The following SHISA6 variants were observed in gnomAD, a reference collection of about 807,000 sequenced individuals.
SHISA6 encodes the protein shisa family member 6, also known as protein shisa-6.
A neutral mutation model predicts 47.9 loss-of-function variants in SHISA6; 22 were observed. The ratio of observed to expected loss-of-function variants is 0.46; its 90% CI spans 0.33 to 0.66. The LOEUF (loss-of-function observed/expected upper bound fraction) is 0.66, where lower values mean the gene tolerates loss of function less well. SHISA6 is among the 30% of genes least tolerant of loss of function. SHISA6 has a pLI of 0.02. For synonymous variants in SHISA6, 388 were observed against 337.8 expected (o/e 1.15, Z -1.63); for missense variants, 680 against 764.6 (o/e 0.89, Z 1.30).
intron 3 of SHISA6, among the ~76,000 whole-genome samples, chr17:11,513,125 T>C (rs908710576): frequency 1.3e-5 from 2 of 151,920 alleles, no homozygotes; most frequent in Non-Finnish European, 2.9e-5. Context: ...TGTGCTATTT[T>C]CTTTATTTAT....
chr17:11,263,674 C>G (rs912602339), intron 2 of SHISA6, 148 bp downstream of exon 2: 1 of 1,017,920 alleles, frequency 9.8e-7, no homozygotes, highest in Non-Finnish European at 1.4e-6. Flanking sequence ...TTTTGGGACT[C>G]TCTCCCTGGG....
intron 3 of SHISA6, among the ~76,000 whole-genome samples, chr17:11,444,251 A>T (rs1357142988): frequency 2.0e-5 from 3 of 152,164 alleles, no homozygotes; most frequent in Admixed American, 1.3e-4. Context: ...CCCGGGAGGT[A>T]GAGGTTGCAA....
At chr17:11,281,594 C>T (rs1312812897) in intron 2 of SHISA6, among the ~76,000 whole-genome samples, 3 of 152,092 alleles carry the variant, frequency 2.0e-5, no homozygotes, top group Non-Finnish European at 4.4e-5. Context: ...GTTCATAAAG[C>T]ATATTGGTCC....
intron 3 of SHISA6, among the ~76,000 whole-genome samples, chr17:11,457,666 G>A (rs973914274): frequency 2.0e-5 from 3 of 151,630 alleles, no homozygotes; most frequent in Non-Finnish European, 2.9e-5. Flanking sequence ...GCTTGAACCC[G>A]GGTGGTGGAG....
intron 2 of SHISA6, among the ~76,000 whole-genome samples, chr17:11,317,165 G>T (rs1249968313): frequency 6.6e-6 from 1 of 151,616 alleles, no homozygotes; most frequent in Non-Finnish European, 1.5e-5. Flanking sequence ...TTACTATTTG[G>T]CTCTATATTT....
chr17:11,328,477 G>T (rs1910986974), intron 2 of SHISA6, among the ~76,000 whole-genome samples: 1 of 152,170 alleles, frequency 6.6e-6, no homozygotes, highest in East Asian at 1.9e-4. Flanking sequence ...CCAAAAATGG[G>T]AATGGGAATG....
intron 3 of SHISA6, among the ~76,000 whole-genome samples, chr17:11,465,186 T>C (rs1036870261): frequency 7.9e-5 from 12 of 152,190 alleles, no homozygotes; most frequent in Admixed American, 2.0e-4. Flanking sequence ...TGTCCTTTCC[T>C]GCTCCCCTCG....
At chr17:11,420,511 G>A (rs1200898612) in intron 3 of SHISA6, among the ~76,000 whole-genome samples, 1 of 152,184 alleles carries the variant, frequency 6.6e-6, no homozygotes, top group East Asian at 1.9e-4. Flanking sequence ...ACTAAGTTAA[G>A]CAGCAGAGGC....
chr17:11,297,625 A>G (rs4792121), intron 2 of SHISA6, among the ~76,000 whole-genome samples: 43,303 of 152,132 alleles, frequency 0.28, 6,593 homozygotes, highest in Non-Finnish European at 0.36. Flanking sequence ...CCACATGGTC[A>G]TGCTGAGCTA....
chr17:11,299,300 A>C (rs1203844602), intron 2 of SHISA6, among the ~76,000 whole-genome samples: 1 of 152,142 alleles, frequency 6.6e-6, no homozygotes, highest in Non-Finnish European at 1.5e-5. Context: ...AGTGATTTAC[A>C]TACATTATAT....
At chr17:11,400,023 T>A (rs948100035) in intron 3 of SHISA6, among the ~76,000 whole-genome samples, 4 of 152,228 alleles carry the variant, frequency 2.6e-5, no homozygotes, top group African/African-American at 9.6e-5. Context: ...CAGTTTCTTT[T>A]TTACTGTACC....
chr17:11,448,709 C>T lies in SHISA6; in HGVS notation c.895+69200C>T, dbSNP rs569981563. ...GGCGTGGTGGTGAGTGCCTGTAATC[C>T]CAGCCACTCAGGAGGCTGAGGCAGG... On this transcript the variant is annotated intron_variant, in intron 3 of 5. Coordinates refer to ENST00000441885, the MANE Select transcript of SHISA6 (RefSeq NM_207386.4). Among the ~76,000 whole-genome samples, 24 of 152,152 alleles carry T rather than the reference C, an allele frequency of 1.6e-4. 1 individual carries two copies. In the South Asian group the frequency reaches 5.0e-3, roughly 32 times the overall value.
chr17:11,425,006 CAA>C (rs34270452), intron 3 of SHISA6, among the ~76,000 whole-genome samples: 5,014 of 69,678 alleles, frequency 0.072, 45 homozygotes, highest in Non-Finnish European at 0.083. Flanking sequence ...TACTCCGTCT[CAA>C]AAAAAAAAAA....
intron 3 of SHISA6, among the ~76,000 whole-genome samples, chr17:11,423,322 TATATATAG>T (rs1914509134): frequency 2.6e-5 from 2 of 77,738 alleles, no homozygotes; most frequent in East Asian, 3.5e-4. Context: ...GCCTGTAACA[TATATATAG>T]ATAGATAGAT....
intron 2 of SHISA6, among the ~76,000 whole-genome samples, chr17:11,347,654 A>G (rs1366393285): frequency 1.3e-5 from 2 of 152,202 alleles, no homozygotes; most frequent in East Asian, 3.8e-4. Context: ...CAACCTCACT[A>G]TAAAGGAGAA....
chr17:11,414,530 A>G (rs75437226), intron 3 of SHISA6, among the ~76,000 whole-genome samples: 2,901 of 152,272 alleles, frequency 0.019, 92 homozygotes, highest in African/African-American at 0.065. Context: ...AACCTTGCAA[A>G]GTACACGTGA....
chr17:11,529,288 TC>T lies in SHISA6; in HGVS notation c.896-22607del, dbSNP rs536905317. Reference sequence around the variant, plus strand: ...GTTCGTAGTTAACTCTATAGGCCTATCTTTGGGCAACCCTGTCTTACCAGCT... The same window carrying T: ...GTTCGTAGTTAACTCTATAGGCCTATTTTGGGCAACCCTGTCTTACCAGCT... On this transcript the variant is annotated intron_variant, in intron 3 of 5. Coordinates refer to ENST00000441885, the MANE Select transcript of SHISA6 (RefSeq NM_207386.4). Among the ~76,000 whole-genome samples the T allele has an allele frequency of 2.9e-4, 44 of 152,266 alleles. No individual in the cohort carries two copies. In the South Asian group the frequency reaches 8.9e-3, roughly 31 times the overall value.
At chr17:11,282,619 A>G (rs926285613) in intron 2 of SHISA6, among the ~76,000 whole-genome samples, 6 of 152,118 alleles carry the variant, frequency 3.9e-5, no homozygotes, top group African/African-American at 1.2e-4. Context: ...TCATTGTTCA[A>G]TTCCCACCTA....
intron 3 of SHISA6, among the ~76,000 whole-genome samples, chr17:11,468,914 G>T (rs141560301): frequency 0.02 from 2,956 of 150,010 alleles, 98 homozygotes; most frequent in African/African-American, 0.066. Context: ...CCAGCTACTC[G>T]GGAGGATGAG....
Sources: gnomAD v4.1 joint callset for allele counts (sites outside exome capture counted in the v4.1 genomes callset) on GRCh38, gnomAD v4.1.1 for gene constraint, MANE v1.5 for transcripts, NCBI Gene and HGNC (gene_info 2026-07-23, HGNC 2026-07-21) for gene names.